The following MTMR3 variants were observed in gnomAD, a reference collection of about 807,000 sequenced individuals.
The protein encoded by MTMR3 is phosphatidylinositol-3,5-bisphosphate 3-phosphatase MTMR3.
In MTMR3, 32 loss-of-function variants were observed where a neutral mutation model predicts 132.4. The observed-to-expected ratio is 0.24, with a 90% CI of 0.18 to 0.32. The LOEUF (loss-of-function observed/expected upper bound fraction) is 0.32, where lower values mean the gene tolerates loss of function less well. Among genes scored for constraint, MTMR3 ranks in the 10% least tolerant of loss-of-function variants. MTMR3 has a pLI of 1.00. For synonymous variants in MTMR3, 556 were observed against 550.3 expected (o/e 1.01, Z -0.14); for missense variants, 1,216 against 1,489.6 (o/e 0.82, Z 3.02).
At chr22:30,015,403 G>A (rs2067557371) in intron 14 of MTMR3, 1 of 151,382 alleles carries the variant, frequency 6.6e-6, no homozygotes, top group South Asian at 2.1e-4. Context: ...TATAAAACTT[G>A]ATCTTCCAGA....
intron 1 of MTMR3, among the ~76,000 whole-genome samples, chr22:29,892,672 AAATT>A (rs914769360): frequency 6.6e-6 from 1 of 152,206 alleles, no homozygotes; most frequent in Admixed American, 6.5e-5. Flanking sequence ...AAAAATGGGG[AAATT>A]AATTTCAGTT....
chr22:29,971,710 A>G (rs1332512412), intron 3 of MTMR3, among the ~76,000 whole-genome samples: 1 of 152,110 alleles, frequency 6.6e-6, no homozygotes. Flanking sequence ...AACCAGAAAG[A>G]GAATTTAATG....
At chr22:30,024,606 GT>G (rs1333212241) in intron 19 of MTMR3, 8 of 152,170 alleles carry the variant, frequency 5.3e-5, no homozygotes, top group Admixed American at 5.2e-4. Context: ...CCAGCAGTGG[GT>G]TTGCATTCCG....
At chr22:29,967,193 TTGTGTGTGTGTGTG>T (rs10680622) in intron 2 of MTMR3, among the ~76,000 whole-genome samples, 2,561 of 142,050 alleles carry the variant, frequency 0.018, 69 homozygotes, top group East Asian at 0.12. Context: ...TTCACCTCTG[TTGTGTGTGTGTGTG>T]TGTGTGTGTG....
chr22:29,909,642 A>G (rs562855613), intron 1 of MTMR3, among the ~76,000 whole-genome samples: 6 of 152,216 alleles, frequency 3.9e-5, no homozygotes, highest in South Asian at 4.1e-4. Flanking sequence ...TAAAATTATA[A>G]GCGAGGACCT....
At chr22:29,904,832 G>GT (rs2065066542) in intron 1 of MTMR3, among the ~76,000 whole-genome samples, 1 of 152,066 alleles carries the variant, frequency 6.6e-6, no homozygotes, top group Non-Finnish European at 1.5e-5. Flanking sequence ...GTGTGTGTGT[G>GT]TGTGTGTGTC....
intron 17 of MTMR3, 87 bp from the exon 18 acceptor site, chr22:30,021,942 C>G: frequency 9.6e-7 from 1 of 1,045,908 alleles, no homozygotes; most frequent in East Asian, 2.4e-5. Context: ...CACCCAGAGT[C>G]CTCAGTTCTC....
At chr22:29,946,698 A>C (rs959989372) in intron 1 of MTMR3, among the ~76,000 whole-genome samples, 16 of 152,298 alleles carry the variant, frequency 1.1e-4, no homozygotes, top group Admixed American at 2.6e-4. Flanking sequence ...CTGTATACCA[A>C]ATGGGAGTGC....
intron 1 of MTMR3, among the ~76,000 whole-genome samples, chr22:29,945,590 A>G (rs999201570): frequency 1.3e-5 from 2 of 151,936 alleles, no homozygotes; most frequent in African/African-American, 4.8e-5. Context: ...CTGTGGTCCC[A>G]GCTACTTGGG....
chr22:29,883,595 C>T (rs1049960289), intron 1 of MTMR3, among the ~76,000 whole-genome samples: 1 of 152,032 alleles, frequency 6.6e-6, no homozygotes, highest in African/African-American at 2.4e-5. Flanking sequence ...GAGCTCGGCC[C>T]GGACCCTAGA....
chr22:29,953,098 G>T (rs370675292), intron 1 of MTMR3, among the ~76,000 whole-genome samples: 1 of 152,112 alleles, frequency 6.6e-6, no homozygotes, highest in Non-Finnish European at 1.5e-5. Context: ...TTTTAACAGC[G>T]AAAGTGAAAA....
At position 30,013,300 on chromosome 22, in the gene MTMR3, C is replaced by G. The variant is rs866749893; in HGVS notation, c.1318-56C>G. 1.1e-5 allele frequency: 18 copies of G among 1,566,050 alleles called. No individual in the cohort carries two copies. In the Middle Eastern group the frequency reaches 2.9e-3, roughly 257 times the overall value. ...GCTTTCTGTGACACCAGGCTTAGGACTGTCACAGTCTGGATAGTCTAGCAC... is the reference window on the plus strand; with the variant it reads ...GCTTTCTGTGACACCAGGCTTAGGAGTGTCACAGTCTGGATAGTCTAGCAC... On this transcript the variant is annotated intron_variant, in intron 13 of 19. Transcript: ENST00000401950.
At chr22:29,942,617 C>A (rs576606109) in intron 1 of MTMR3, among the ~76,000 whole-genome samples, 38 of 152,166 alleles carry the variant, frequency 2.5e-4, no homozygotes, top group Non-Finnish European at 4.1e-4. Context: ...GTCCCCAAAG[C>A]GGCCATTTCA....
At chr22:30,006,810 CT>C in intron 9 of MTMR3, 1 of 325,660 alleles carries the variant, frequency 3.1e-6, no homozygotes, top group Non-Finnish European at 5.9e-6. Context: ...ATCCTCCTGC[CT>C]CAGCCTCTCA....
intron 1 of MTMR3, among the ~76,000 whole-genome samples, chr22:29,891,557 G>C (rs1285521261): frequency 2.6e-5 from 4 of 151,938 alleles, no homozygotes; most frequent in South Asian, 2.1e-4. Context: ...TCAGCCACTT[G>C]AGTAGTTGGG....
intron 1 of MTMR3, among the ~76,000 whole-genome samples, chr22:29,939,440 G>C (rs533260958): frequency 6.6e-6 from 1 of 152,206 alleles, no homozygotes; most frequent in Admixed American, 6.5e-5. Flanking sequence ...TTTAAACTTT[G>C]TGATTATCTC....
chr22:29,967,391 C>G (rs1253604656), intron 2 of MTMR3, among the ~76,000 whole-genome samples: 1 of 151,614 alleles, frequency 6.6e-6, no homozygotes, highest in Non-Finnish European at 1.5e-5. Context: ...GTGTGCACAA[C>G]CACCTAATTT....
At chr22:29,984,417 T>G (rs1408116727) in intron 5 of MTMR3, 1 of 152,260 alleles carries the variant, frequency 6.6e-6, no homozygotes, top group Non-Finnish European at 1.5e-5. Context: ...GACAGTACTG[T>G]GGACATAACC....
intron 1 of MTMR3, among the ~76,000 whole-genome samples, chr22:29,941,657 T>C (rs2065859270): frequency 6.6e-6 from 1 of 152,228 alleles, no homozygotes; most frequent in African/African-American, 2.4e-5. Context: ...TGATGACTGA[T>C]TTGAGAATAC....
Sources: gnomAD v4.1 joint callset for allele counts (sites outside exome capture counted in the v4.1 genomes callset) on GRCh38, gnomAD v4.1.1 for gene constraint, MANE v1.5 for transcripts, NCBI Gene and HGNC (gene_info 2026-07-23, HGNC 2026-07-21) for gene names.